PRKAR2A: variants seen among roughly 807,000 people sequenced by gnomAD.
The protein encoded by PRKAR2A is protein kinase cAMP-dependent type II regulatory subunit alpha.
A neutral mutation model predicts 51.9 loss-of-function variants in PRKAR2A; 29 were observed. The observed-to-expected ratio is 0.56, with a 90% CI of 0.42 to 0.76. The LOEUF (loss-of-function observed/expected upper bound fraction) is 0.76. PRKAR2A is among the 30% of genes least tolerant of loss of function. The pLI is 0.00. For synonymous variants in PRKAR2A, 178 were observed against 186.2 expected (o/e 0.96, Z 0.36); for missense variants, 445 against 512.1 (o/e 0.87, Z 1.26).
chr3:48,785,914 T>C (rs997055215), intron 4 of PRKAR2A, among the ~76,000 whole-genome samples: 12 of 152,314 alleles, frequency 7.9e-5, no homozygotes, highest in Admixed American at 6.5e-4. Flanking sequence ...CATGTTATTA[T>C]TCTTTTGAAT....
intron 6 of PRKAR2A, among the ~76,000 whole-genome samples, chr3:48,770,314 A>G (rs913315754): frequency 1.3e-5 from 2 of 152,200 alleles, no homozygotes; most frequent in African/African-American, 4.8e-5. Context: ...CTGTGACTGC[A>G]GGAATTTCCC....
intron 4 of PRKAR2A, among the ~76,000 whole-genome samples, chr3:48,786,514 G>C (rs941804594): frequency 4.5e-4 from 67 of 150,216 alleles, no homozygotes; most frequent in Non-Finnish European, 8.0e-4. Context: ...AGATAACTTG[G>C]GGGCCGGGCG....
chr3:48,823,511 A>C (rs2083004637), intron 1 of PRKAR2A, among the ~76,000 whole-genome samples: 1 of 152,124 alleles, frequency 6.6e-6, no homozygotes, highest in Non-Finnish European at 1.5e-5. Flanking sequence ...TGAGAGGAGA[A>C]GAAAAATACA....
chr3:48,777,563 G>A (rs1312787401), intron 5 of PRKAR2A, among the ~76,000 whole-genome samples: 4 of 151,946 alleles, frequency 2.6e-5, no homozygotes, highest in Non-Finnish European at 5.9e-5. Context: ...CCGCCACCAC[G>A]CCCGGCTAAT....
chr3:48,826,969 T>A (rs2083079095), intron 1 of PRKAR2A, among the ~76,000 whole-genome samples: 1 of 152,106 alleles, frequency 6.6e-6, no homozygotes, highest in African/African-American at 2.4e-5. Context: ...AGGCCACTGA[T>A]GCCCACTCAT....
chr3:48,846,753 C>T (rs1278054327), intron 1 of PRKAR2A, among the ~76,000 whole-genome samples: 2 of 152,086 alleles, frequency 1.3e-5, no homozygotes, highest in Non-Finnish European at 2.9e-5. Context: ...GAAATACAAA[C>T]TCAAGTAAGC....
intron 9 of PRKAR2A, among the ~76,000 whole-genome samples, chr3:48,753,415 G>A (rs1384163077): frequency 6.6e-6 from 1 of 152,012 alleles, no homozygotes; most frequent in East Asian, 1.9e-4. Context: ...TAGGCAGAAA[G>A]ATAATTTCCT....
chr3:48,813,945 G>A (rs767453069), intron 1 of PRKAR2A, among the ~76,000 whole-genome samples: 4 of 151,972 alleles, frequency 2.6e-5, no homozygotes, highest in Non-Finnish European at 5.9e-5. Context: ...CCAACATGGC[G>A]AAACCCCACC....
At chr3:48,772,869 A>G (rs2082048480) in intron 6 of PRKAR2A, 86 bp downstream of exon 6, 3 of 1,339,808 alleles carry the variant, frequency 2.2e-6, no homozygotes, top group Middle Eastern at 1.9e-4. Flanking sequence ...GCTGTAAGAT[A>G]TAGTGTAAAT....
At position 48,774,075 on chromosome 3, in the gene PRKAR2A, C is replaced by T. The variant is rs528317857; in HGVS notation, c.543-967G>A. On this transcript the variant is annotated intron_variant, in intron 5 of 10. Transcript: ENST00000265563. Reference sequence around the variant, plus strand: ...CTGGAACTCCTGGGCTCAAGCAATCCTCCTGTCTCAGCCTCCCAAAGTACT... The same window carrying T: ...CTGGAACTCCTGGGCTCAAGCAATCTTCCTGTCTCAGCCTCCCAAAGTACT... Among the ~76,000 whole-genome samples the T allele has an allele frequency of 2.0e-5, 3 of 152,084 alleles. No homozygotes were observed. In the South Asian group the frequency reaches 6.2e-4, roughly 32 times the overall value.
At chr3:48,819,308 G>A (rs1031061318) in intron 1 of PRKAR2A, among the ~76,000 whole-genome samples, 2 of 152,132 alleles carry the variant, frequency 1.3e-5, no homozygotes, top group South Asian at 2.1e-4. Flanking sequence ...GAGCCACAAC[G>A]CCCACCCTCA....
chr3:48,770,164 T>C (rs1160774782), intron 6 of PRKAR2A, among the ~76,000 whole-genome samples: 3 of 151,936 alleles, frequency 2.0e-5, no homozygotes, highest in Admixed American at 6.6e-5. Context: ...GTGGAGAATA[T>C]AAAAAAAGCA....
chr3:48,813,554 C>A (rs749909358), intron 1 of PRKAR2A, among the ~76,000 whole-genome samples: 1 of 151,986 alleles, frequency 6.6e-6, no homozygotes. Flanking sequence ...ATTAGCCAGG[C>A]GTGGTGGCAC....
At chr3:48,846,463 C>A (rs549412652) in intron 1 of PRKAR2A, among the ~76,000 whole-genome samples, 1 of 151,812 alleles carries the variant, frequency 6.6e-6, no homozygotes, top group Non-Finnish European at 1.5e-5. Context: ...GTGATCCACC[C>A]GCCTCGGCCT....
At chr3:48,787,549 T>C (rs1457912414) in intron 4 of PRKAR2A, among the ~76,000 whole-genome samples, 1 of 152,178 alleles carries the variant, frequency 6.6e-6, no homozygotes. Context: ...TAGATTGACA[T>C]AGAAACTTTC....
intron 4 of PRKAR2A, among the ~76,000 whole-genome samples, chr3:48,788,960 C>A (rs1181287801): frequency 6.6e-6 from 1 of 151,746 alleles, no homozygotes; most frequent in African/African-American, 2.4e-5. Flanking sequence ...GGTCATAGAT[C>A]CTATGCTAGG....
chr3:48,800,140 G>C (rs1373754270), intron 2 of PRKAR2A, among the ~76,000 whole-genome samples: 1 of 151,754 alleles, frequency 6.6e-6, no homozygotes, highest in Non-Finnish European at 1.5e-5. Flanking sequence ...TTACAGGCGT[G>C]AGCCACCACG....
chr3:48,755,162 A>C (rs1296061804), intron 9 of PRKAR2A, among the ~76,000 whole-genome samples: 1 of 151,544 alleles, frequency 6.6e-6, no homozygotes, highest in Non-Finnish European at 1.5e-5. Context: ...ATGCCTGGCT[A>C]ATTTTTTGTA....
intron 1 of PRKAR2A, among the ~76,000 whole-genome samples, chr3:48,830,953 G>T (rs542172802): frequency 6.6e-6 from 1 of 152,090 alleles, no homozygotes; most frequent in Non-Finnish European, 1.5e-5. Flanking sequence ...GAGCTCAGGC[G>T]GTAATACAAG....
Sources: gnomAD v4.1 joint callset for allele counts (sites outside exome capture counted in the v4.1 genomes callset) on GRCh38, gnomAD v4.1.1 for gene constraint, MANE v1.5 for transcripts, NCBI Gene and HGNC (gene_info 2026-07-23, HGNC 2026-07-21) for gene names.